The following SEMA6D variants were observed in gnomAD, a reference collection of about 807,000 sequenced individuals.
The protein encoded by SEMA6D is semaphorin 6D.
In SEMA6D, 35 loss-of-function variants were observed where a neutral mutation model predicts 106.6. The ratio of observed to expected loss-of-function variants is 0.33; its 90% CI spans 0.25 to 0.44. The LOEUF is 0.44. SEMA6D is among the 20% of genes least tolerant of loss of function. The pLI, the probability that SEMA6D is intolerant of heterozygous loss-of-function variation, is 1.00. For synonymous variants in SEMA6D, 499 were observed against 487.7 expected (o/e 1.02, Z -0.31); for missense variants, 1,185 against 1,345.9 (o/e 0.88, Z 1.87).
At chr15:47,191,926 A>C (rs1450605405) in intron 1 of SEMA6D, among the ~76,000 whole-genome samples, 1 of 152,204 alleles carries the variant, frequency 6.6e-6, no homozygotes, top group Non-Finnish European at 1.5e-5. Context: ...CAGGAAGTAT[A>C]CATTAGACCA....
At position 47,253,832 on chromosome 15, in the gene SEMA6D, C is replaced by A. The variant is rs148557619; in HGVS notation, c.-239+69414C>A. Among the ~76,000 whole-genome samples, 1,298 of 152,128 alleles carry A rather than the reference C, an allele frequency of 8.5e-3. 25 individuals carry two copies. Among genetic ancestry groups the A allele is most frequent in the African/African-American group, 0.03 (1,238 of 41,516 alleles). ...TTTGTTCAAGATTGCTTTGGCTATC[C>A]GAGGTCTTTTGTGCTTCCATACAAA... On this transcript the variant is annotated intron_variant, in intron 1 of 19. Transcript: ENST00000558014.
intron 3 of SEMA6D, chr15:47,581,270 A>G (rs1044575156): frequency 2.3e-5 from 10 of 439,226 alleles, no homozygotes; most frequent in African/African-American, 4.2e-5. Flanking sequence ...TATTTTCTCC[A>G]TAAGTCCTGT....
intron 4 of SEMA6D, among the ~76,000 whole-genome samples, chr15:47,604,346 A>G (rs2076728529): frequency 1.3e-5 from 2 of 152,178 alleles, no homozygotes; most frequent in South Asian, 4.2e-4. Flanking sequence ...AGACTCTACA[A>G]TCCATCCGGT....
chr15:47,646,040 T>C (rs2144836644), intron 4 of SEMA6D, among the ~76,000 whole-genome samples: 1 of 152,238 alleles, frequency 6.6e-6, no homozygotes, highest in East Asian at 1.9e-4. Context: ...TCTGGGTTTT[T>C]ATGGTGGCTT....
At chr15:47,284,756 CT>C (rs2035283904) in intron 1 of SEMA6D, among the ~76,000 whole-genome samples, 1 of 152,168 alleles carries the variant, frequency 6.6e-6, no homozygotes, top group South Asian at 2.1e-4. Context: ...GACAAGGTTT[CT>C]TAAAGTATAA....
intron 1 of SEMA6D, among the ~76,000 whole-genome samples, chr15:47,350,849 C>G (rs1206774793): frequency 2.0e-5 from 3 of 152,014 alleles, no homozygotes; most frequent in Admixed American, 2.0e-4. Context: ...ACTCATGAGG[C>G]CAGTCTGTTT....
chr15:47,662,203 C>A (rs905219975), intron 4 of SEMA6D, among the ~76,000 whole-genome samples: 2 of 152,164 alleles, frequency 1.3e-5, no homozygotes, highest in African/African-American at 4.8e-5. Flanking sequence ...TTACTGCCAC[C>A]ATCACTGCCC....
chr15:47,466,618 G>A (rs2042667263), intron 2 of SEMA6D, among the ~76,000 whole-genome samples: 2 of 152,040 alleles, frequency 1.3e-5, no homozygotes, highest in Non-Finnish European at 2.9e-5. Context: ...ACAAGAATGT[G>A]GGAGTGCACA....
At chr15:47,738,633 G>T (rs1188143127) in intron 1 of SEMA6D, among the ~76,000 whole-genome samples, 1 of 152,138 alleles carries the variant, frequency 6.6e-6, no homozygotes, top group African/African-American at 2.4e-5. Context: ...TCAATCTTCA[G>T]CTGGACTGAC....
intron 18 of SEMA6D, among the ~76,000 whole-genome samples, chr15:47,770,248 G>T (rs2082558006): frequency 6.6e-6 from 1 of 152,052 alleles, no homozygotes; most frequent in Admixed American, 6.5e-5. Context: ...GGGATTGGAG[G>T]AAAAGAACAG....
At chr15:47,228,006 TA>T (rs199794025) in intron 1 of SEMA6D, among the ~76,000 whole-genome samples, 58,122 of 103,330 alleles carry the variant, frequency 0.56, 13,433 homozygotes, top group Middle Eastern at 0.69. Flanking sequence ...ATATTTTATA[TA>T]TATAAGAATC....
At chr15:47,342,667 C>T (rs1445722623) in intron 1 of SEMA6D, among the ~76,000 whole-genome samples, 1 of 152,262 alleles carries the variant, frequency 6.6e-6, no homozygotes, top group East Asian at 1.9e-4. Context: ...ATAACTTTTG[C>T]TGGGTGCTTG....
At chr15:47,227,438 T>TTTCTTTCTTTCTTTCTCTTTC (rs374904188) in intron 1 of SEMA6D, among the ~76,000 whole-genome samples, 1 of 77,666 alleles carries the variant, frequency 1.3e-5, no homozygotes, top group African/African-American at 4.9e-5. Context: ...TCTTTCTTTC[T>TTTCTTTCTTTCTTTCTCTTTC]TTTCTTTCTT....
At chr15:47,524,691 T>G (rs1194319417) in intron 3 of SEMA6D, among the ~76,000 whole-genome samples, 4 of 152,228 alleles carry the variant, frequency 2.6e-5, no homozygotes, top group Non-Finnish European at 5.9e-5. Flanking sequence ...AGGAAGTCTC[T>G]TCTTCACTGC....
At chr15:47,363,029 C>A (rs919024271) in intron 1 of SEMA6D, among the ~76,000 whole-genome samples, 1 of 151,892 alleles carries the variant, frequency 6.6e-6, no homozygotes, top group Non-Finnish European at 1.5e-5. Context: ...AAGAAAAAGT[C>A]TCCAAATAAT....
At chr15:47,588,640 G>A (rs1456918300) in intron 3 of SEMA6D, among the ~76,000 whole-genome samples, 1 of 152,222 alleles carries the variant, frequency 6.6e-6, no homozygotes, top group Non-Finnish European at 1.5e-5. Flanking sequence ...CCATCTGGAT[G>A]TTGTCTTAAA....
At chr15:47,535,573 G>C (rs2045135079) in intron 3 of SEMA6D, among the ~76,000 whole-genome samples, 1 of 151,982 alleles carries the variant, frequency 6.6e-6, no homozygotes, top group Admixed American at 6.6e-5. Context: ...ATAAGAGCTA[G>C]TTACCTTAGG....
chr15:47,309,982 A>G (rs1286343859), intron 1 of SEMA6D, among the ~76,000 whole-genome samples: 1 of 152,204 alleles, frequency 6.6e-6, no homozygotes, highest in African/African-American at 2.4e-5. Context: ...AAGTAGGGCC[A>G]TACTTCTCAG....
chr15:47,435,981 T>G (rs1296858596), intron 2 of SEMA6D, among the ~76,000 whole-genome samples: 1 of 152,100 alleles, frequency 6.6e-6, no homozygotes, highest in Non-Finnish European at 1.5e-5. Flanking sequence ...AAATCCACAC[T>G]TAATGAACCA....
Sources: gnomAD v4.1 joint callset for allele counts (sites outside exome capture counted in the v4.1 genomes callset) on GRCh38, gnomAD v4.1.1 for gene constraint, MANE v1.5 for transcripts, NCBI Gene and HGNC (gene_info 2026-07-23, HGNC 2026-07-21) for gene names.